The following SHANK2 variants were observed in gnomAD, a reference collection of about 807,000 sequenced individuals.
SHANK2 encodes the protein SH3 and multiple ankyrin repeat domains protein 2.
Under a neutral mutation model 133.7 loss-of-function variants are expected in SHANK2, and 43 were observed. The ratio of observed to expected loss-of-function variants is 0.32; its 90% CI spans 0.25 to 0.41. SHANK2 has a LOEUF of 0.41. Among genes scored for constraint, SHANK2 ranks in the 10% least tolerant of loss-of-function variants. The pLI is 1.00. For missense variants in SHANK2, 1,994 were observed against 2,235.8 expected (o/e 0.89, Z 2.18); for synonymous variants, 1,017 against 952.8 (o/e 1.07, Z -1.24).
rs782755726 is a variant in SHANK2, at chr11:70,500,500, A to T, written c.2308+70T>A. ...GACACATTTGAGACTTCACGGCATC[A>T]CAAAGGATGTTTCTGTTCCACAGGG... On this transcript the variant is annotated intron_variant, in intron 21 of 25. Coordinates refer to ENST00000601538, the MANE Select transcript of SHANK2 (RefSeq NM_012309.5). This position sits in a 1 kb window ranked among gnomAD's most constrained non-coding sequence, Gnocchi z 4.5. 6.4e-7 allele frequency: 1 copy of T among 1,562,672 alleles called. No individual in the cohort carries two copies. The highest frequency in any genetic ancestry group is 8.7e-7 in the Non-Finnish European group (1 of 1,151,536).
chr11:70,637,493 C>T lies in SHANK2; in HGVS notation c.2061+22335G>A, dbSNP rs540452774. Among the ~76,000 whole-genome samples, 4 of 152,262 alleles carry T rather than the reference C, an allele frequency of 2.6e-5. No individual in the cohort carries two copies. In the South Asian group the frequency reaches 6.2e-4, roughly 24 times the overall value. The stretch of plus-strand genomic sequence containing the variant: ...CCTCCTGCGGTGCAGAATCCAGGTG[C>T]CCACAGAGACAAATGAGCGGCCGGA... On this transcript the variant is annotated intron_variant, in intron 17 of 25. Transcript: ENST00000601538.
Position 71,094,591 on chromosome 11 carries a change from A to G in SHANK2, c.690T>C (p.Asp230=), listed in dbSNP as rs1299530364. The change falls in exon 7 of 26, where the codon GAT becomes GAC. Residue 230 remains aspartate, a synonymous_variant. Transcript: ENST00000601538. ...CAGCTTTGTGTAGGGCGGTCATCCCATCTTTGGCACGGAAGTCCAGGTGAG... is the reference window on the plus strand; with the variant it reads ...CAGCTTTGTGTAGGGCGGTCATCCCGTCTTTGGCACGGAAGTCCAGGTGAG... ...GGAHLDFRAK[D]GMTALHKAAR... is the part of the protein sequence containing the mutation. 1.3e-6 allele frequency: 2 copies of G among 1,551,490 alleles called. No homozygotes were observed. The highest frequency in any genetic ancestry group is 3.9e-5 in the Admixed American group (2 of 50,956).
rs559537625 is a variant in SHANK2, at chr11:70,485,997, C to T, written c.4296G>A (p.Pro1432=). ...TCTGCTTCACTAAGTCTGAGAGAGC[C>T]GGGACAGAAGCTGCCCGGTCATCGG... ...DIPDDRAASV[P]ALSDLVKQKK... Residue 1432 remains proline (P), a synonymous_variant, in exon 25 of 26, where the codon CCG becomes CCA. Transcript: ENST00000601538. The surrounding 1 kb of genome is among the most constrained non-coding windows in gnomAD (Gnocchi z 5.8). The T allele has an allele frequency of 1.1e-4, 172 of 1,613,884 alleles. No homozygotes were observed. Among genetic ancestry groups the T allele is most frequent in the East Asian group, 1.3e-4 (6 of 44,892 alleles).
At chr11:70,502,734 C>CGGGGGGGGGGGGG in intron 18 of SHANK2, 62 bp downstream of exon 18, 1 of 679,566 alleles carries the variant, frequency 1.5e-6, no homozygotes. Context: ...CTGTCCTGCC[C>CGGGGGGGGGGGGG]GCCCCCACCC....
chr11:70,730,638 C>T (rs190692337), intron 14 of SHANK2, among the ~76,000 whole-genome samples: 171 of 152,264 alleles, frequency 1.1e-3, no homozygotes, highest in Non-Finnish European at 2.1e-3. Flanking sequence ...TGCAGATGAG[C>T]AGCCAGGCTC....
chr11:70,570,640 T>A (rs2060034073), intron 17 of SHANK2: 1 of 152,382 alleles, frequency 6.6e-6, no homozygotes. Flanking sequence ...TCAGACAGGG[T>A]CACCCTCCAG....
intron 11 of SHANK2, among the ~76,000 whole-genome samples, chr11:70,848,366 C>T (rs1327214872): frequency 7.2e-5 from 11 of 151,938 alleles, no homozygotes; most frequent in East Asian, 1.9e-4. Context: ...CAGGGCCTGG[C>T]GGGGGTGATC....
chr11:71,120,128 C>T (rs1371340446), intron 3 of SHANK2, among the ~76,000 whole-genome samples: 1 of 152,170 alleles, frequency 6.6e-6, no homozygotes, highest in African/African-American at 2.4e-5. Flanking sequence ...CCAATCACAA[C>T]ACTTCAAACA....
intron 14 of SHANK2, among the ~76,000 whole-genome samples, chr11:70,778,210 C>T (rs1947406202): frequency 6.6e-6 from 1 of 152,220 alleles, no homozygotes; most frequent in South Asian, 2.1e-4. Context: ...GTCAAACCCC[C>T]AGAACAGCCC....
intron 17 of SHANK2, among the ~76,000 whole-genome samples, chr11:70,545,730 T>C (rs1380256509): frequency 6.6e-6 from 1 of 152,212 alleles, no homozygotes; most frequent in East Asian, 1.9e-4. Context: ...AGTTCAATTC[T>C]GACAGTACCT....
At chr11:71,100,907 G>C (rs1482646668) in intron 6 of SHANK2, among the ~76,000 whole-genome samples, 1 of 151,792 alleles carries the variant, frequency 6.6e-6, no homozygotes, top group Non-Finnish European at 1.5e-5. Flanking sequence ...AGGGGTTAGA[G>C]GGCAAGGGAG....
At position 70,820,481 on chromosome 11, in the gene SHANK2, C is replaced by G; in HGVS notation, c.1376G>C (p.Gly459Ala). The change falls in exon 12 of 26, where the codon GGG (glycine) becomes GCG (alanine). Residue 459 changes from glycine (G) to alanine (A), a missense_variant. Gly to Ala is a moderately conservative substitution (Grantham distance 60). Transcript: ENST00000601538. Reference protein sequence around the residue: ...LLQQMPSKPEGAAKTIGSYVP... With the variant: ...LLQQMPSKPEAAAKTIGSYVP... ...GTAGCTCCCAATGGTCTTCGCGGCC[C>G]CCTCGGGCTTGCTGGGCATCTGCTG... 1.4e-6 allele frequency: 1 copy of G among 716,844 alleles called. No homozygotes were observed. 44.4% of individuals were successfully genotyped at this position (716,844 alleles called of 1,614,324 possible). A position where few individuals can be genotyped will look rare whatever the true frequency, so the allele number is the denominator to read the frequency against.
intron 2 of SHANK2, among the ~76,000 whole-genome samples, chr11:71,180,153 A>G (rs1046171483): frequency 6.6e-6 from 1 of 152,246 alleles, no homozygotes; most frequent in Non-Finnish European, 1.5e-5. Flanking sequence ...GCACTTGCAG[A>G]AAAACATGAC....
In SHANK2 at chr11:71,118,340, G is replaced by A. The variant is rs554203749; in HGVS notation, c.411+489C>T. Among the ~76,000 whole-genome samples, 10 of 152,268 alleles carry A rather than the reference G, an allele frequency of 6.6e-5. No homozygotes were observed. In the South Asian group the frequency reaches 2.1e-3, roughly 32 times the overall value. ...GCTATAAAGAAATACCTGAGACTGGGTAATTTATAAAGGAAAGAGGTTTAG... is the reference window on the plus strand; with the variant it reads ...GCTATAAAGAAATACCTGAGACTGGATAATTTATAAAGGAAAGAGGTTTAG... On this transcript the variant is annotated intron_variant, in intron 4 of 25. Coordinates refer to ENST00000601538, the MANE Select transcript of SHANK2 (RefSeq NM_012309.5).
intron 17 of SHANK2, among the ~76,000 whole-genome samples, chr11:70,553,004 C>T (rs1167648952): frequency 1.3e-5 from 2 of 152,140 alleles, no homozygotes; most frequent in Non-Finnish European, 2.9e-5. Flanking sequence ...GTGGTCATCC[C>T]TCTGTGCATG....
intron 10 of SHANK2, among the ~76,000 whole-genome samples, chr11:70,934,246 C>CAAA (rs11411212): frequency 5.0e-4 from 57 of 114,024 alleles, no homozygotes; most frequent in African/African-American, 1.8e-3. Flanking sequence ...ACAACACCAC[C>CAAA]AAAAAAAAAA....
At chr11:70,823,718 AG>A (rs1189205796) in intron 11 of SHANK2, among the ~76,000 whole-genome samples, 1 of 75,276 alleles carries the variant, frequency 1.3e-5, no homozygotes, top group Non-Finnish European at 2.5e-5. Context: ...AGGTGGTGTT[AG>A]TAGAGCTCAT....
intron 13 of SHANK2, among the ~76,000 whole-genome samples, chr11:70,805,016 G>T (rs2010943): frequency 6.6e-6 from 1 of 152,212 alleles, no homozygotes; most frequent in African/African-American, 2.4e-5. Flanking sequence ...ATGGGAGCCT[G>T]TCTGCAGCTC....
intron 1 of SHANK2, among the ~76,000 whole-genome samples, chr11:71,244,718 G>C (rs1259663519): frequency 6.6e-6 from 1 of 152,078 alleles, no homozygotes; most frequent in African/African-American, 2.4e-5. Context: ...TTTTGTTGTT[G>C]TTGAGATGGA....
Sources: gnomAD v4.1 joint callset for allele counts (sites outside exome capture counted in the v4.1 genomes callset) on GRCh38, gnomAD v4.1.1 for gene constraint, Gnocchi (gnomAD v3.1) non-coding constraint, MANE v1.5 for transcripts, NCBI Gene and HGNC (gene_info 2026-07-23, HGNC 2026-07-21) for gene names.